The following CPLX1 variants were observed in gnomAD, a reference collection of about 807,000 sequenced individuals.
CPLX1 encodes complexin-1.
Under a neutral mutation model 15.6 loss-of-function variants are expected in CPLX1, and 6 were observed. The observed-to-expected ratio is 0.39, with a 90% CI of 0.21 to 0.76. The LOEUF is 0.76. CPLX1 is among the 30% of genes least tolerant of loss of function. The pLI is 0.43. For synonymous variants in CPLX1, 91 were observed against 75.2 expected, an observed-to-expected ratio of 1.21 and a Z score of -1.08; for missense variants, 242 against 188.6, an observed-to-expected ratio of 1.28 and a Z score of -1.66.
chr4:803,557 A>AT (rs1358578838), intron 2 of CPLX1, among the ~76,000 whole-genome samples: 3 of 136,262 alleles, frequency 2.2e-5, no homozygotes, highest in Non-Finnish European at 4.5e-5. Flanking sequence ...CGCCCGGCTA[A>AT]TTTTTTGTAT....
intron 2 of CPLX1, among the ~76,000 whole-genome samples, chr4:796,577 C>T (rs549321231): frequency 6.6e-6 from 1 of 152,276 alleles, no homozygotes; most frequent in South Asian, 2.1e-4. Context: ...GCCACTGCAC[C>T]CAGCCCAATG....
chr4:791,794 G>A (rs764910978), intron 3 of CPLX1, among the ~76,000 whole-genome samples: 14 of 151,962 alleles, frequency 9.2e-5, no homozygotes, highest in Non-Finnish European at 1.2e-4. Flanking sequence ...TACGTGGGAT[G>A]TGAACATCTC....
At chr4:797,862 G>A (rs991277485) in intron 2 of CPLX1, among the ~76,000 whole-genome samples, 6 of 152,188 alleles carry the variant, frequency 3.9e-5, no homozygotes, top group South Asian at 2.1e-4. Flanking sequence ...CCCGGGAGGC[G>A]GAGCTTGCAG....
chr4:799,704 A>T (rs1442873511), intron 2 of CPLX1, among the ~76,000 whole-genome samples: 1 of 152,104 alleles, frequency 6.6e-6, no homozygotes, highest in Non-Finnish European at 1.5e-5. Flanking sequence ...CTCTACTAAA[A>T]ATACAAAAAT....
Position 786,632 on chromosome 4 carries a change from C to T in CPLX1, c.274G>A (p.Gly92Arg), listed in dbSNP as rs757842359. 12 of 1,612,518 alleles carry T rather than the reference C, an allele frequency of 7.4e-6. No homozygotes were observed. The highest frequency in any genetic ancestry group is 9.3e-6 in the Non-Finnish European group (11 of 1,179,476). The part of the protein sequence containing the change: ...AQAAMEANSE[G>R]SLTRPKKAIP... ...GCCTTCTTGGGCCGCGTCAAGCTCC[C>T]CTCGGAGTTGGCCTCCATGGCGGCC... is the stretch of plus-strand genomic sequence containing the variant. The change falls in exon 4 of 4, where the codon GGG (glycine) becomes AGG (arginine). Residue 92 changes from glycine to arginine, a missense_variant. By Grantham distance (125) the Gly-to-Arg change is moderately radical. Transcript: ENST00000304062.
At chr4:788,225 A>G in intron 3 of CPLX1, 1 of 985,128 alleles carries the variant, frequency 1.0e-6, no homozygotes, top group Non-Finnish European at 1.2e-6. Flanking sequence ...CTGGATCTCC[A>G]AGGAGGCCCC....
chr4:787,365 G>A (rs1746029733), intron 3 of CPLX1: 8 of 985,382 alleles, frequency 8.1e-6, no homozygotes, highest in Non-Finnish European at 9.6e-6. Flanking sequence ...TCCCGTGAGT[G>A]CGTCTGCCCT....
chr4:824,350 T>C, intron 2 of CPLX1, 142 bp downstream of exon 2: 1 of 759,074 alleles, frequency 1.3e-6, no homozygotes. Context: ...CTTGCTCCTC[T>C]GCCCCAGGCT....
At chr4:816,846 G>C (rs1034376294) in intron 2 of CPLX1, among the ~76,000 whole-genome samples, 1 of 152,098 alleles carries the variant, frequency 6.6e-6, no homozygotes, top group African/African-American at 2.4e-5. Context: ...CCAAAAGATG[G>C]GAGAGGAGTC....
intron 2 of CPLX1, among the ~76,000 whole-genome samples, chr4:818,721 A>G (rs1746807135): frequency 6.6e-6 from 1 of 152,240 alleles, no homozygotes; most frequent in African/African-American, 2.4e-5. Flanking sequence ...CGAGCTTGGC[A>G]CTGTTTGGGT....
At chr4:815,856 C>T (rs2152647791) in intron 2 of CPLX1, among the ~76,000 whole-genome samples, 1 of 152,312 alleles carries the variant, frequency 6.6e-6, no homozygotes, top group South Asian at 2.1e-4. Context: ...TTACACACCA[C>T]TTCCAACTCT....
intron 2 of CPLX1, among the ~76,000 whole-genome samples, chr4:800,531 TACATACACAC>T (rs1335601150): frequency 7.6e-6 from 1 of 131,908 alleles, no homozygotes; most frequent in Non-Finnish European, 1.6e-5. Context: ...TATGTGTATA[TACATACACAC>T]ACATGTATGT....
At position 801,199 on chromosome 4, in the gene CPLX1, G is replaced by A. The variant is rs1269886480; in HGVS notation, c.32-8591C>T. ...TAGGCAGGCGTGGTGGCACGTGCCT[G>A]CAGTCCCAGCTACTAGGGAGGCTGA... On this transcript the variant is annotated intron_variant, in intron 2 of 3. Coordinates refer to ENST00000304062, the MANE Select transcript of CPLX1 (RefSeq NM_006651.4). Among the ~76,000 whole-genome samples, 65 of 151,180 alleles carry A rather than the reference G, an allele frequency of 4.3e-4. 1 individual carries two copies. The highest frequency in any genetic ancestry group is 4.2e-3 in the Admixed American group (63 of 15,174).
intron 3 of CPLX1, among the ~76,000 whole-genome samples, chr4:790,448 C>T (rs999085867): frequency 6.6e-6 from 1 of 152,176 alleles, no homozygotes; most frequent in Non-Finnish European, 1.5e-5. Context: ...TACGCTTCCC[C>T]CTCTCCTGGG....
chr4:787,789 C>G (rs73222839), intron 3 of CPLX1: 55,748 of 985,302 alleles, frequency 0.057, 1,722 homozygotes, highest in East Asian at 0.12. Context: ...CCAGCCCTCC[C>G]GTGAGCCACC....
At chr4:804,887 G>A (rs1214008470) in intron 2 of CPLX1, 2 of 985,196 alleles carry the variant, frequency 2.0e-6, no homozygotes, top group Non-Finnish European at 2.4e-6. Context: ...AGCCATTTTG[G>A]AACGCAGGCG....
At chr4:799,841 C>G (rs982232061) in intron 2 of CPLX1, among the ~76,000 whole-genome samples, 2 of 152,174 alleles carry the variant, frequency 1.3e-5, no homozygotes, top group African/African-American at 4.8e-5. Context: ...TTAGCCTGAG[C>G]GACAGAGGCA....
At chr4:788,594 C>T in intron 3 of CPLX1, 3 of 985,486 alleles carry the variant, frequency 3.0e-6, no homozygotes, top group Non-Finnish European at 3.6e-6. Flanking sequence ...GAACAAAGCC[C>T]TGACCCTGTG....
intron 3 of CPLX1, 145 bp downstream of exon 3, chr4:792,288 T>G: frequency 1.7e-5 from 5 of 300,486 alleles, no homozygotes; most frequent in Admixed American, 5.2e-5. Context: ...CCCTCACCCC[T>G]CCGCCACTCT....
Sources: allele counts gnomAD v4.1 joint callset (sites outside exome capture counted in the v4.1 genomes callset), GRCh38; gene constraint gnomAD v4.1.1; transcripts MANE v1.5; gene names NCBI Gene and HGNC (gene_info 2026-07-23, HGNC 2026-07-21).